The following CUX1 variants were observed in gnomAD, a reference collection of about 807,000 sequenced individuals.
CUX1 encodes the protein cut like homeobox 1, also known as protein CASP.
In CUX1, 31 loss-of-function variants were observed where a neutral mutation model predicts 158.8. The observed-to-expected ratio is 0.20, with a 90% CI of 0.15 to 0.26. The LOEUF (loss-of-function observed/expected upper bound fraction) is 0.26, where lower values mean the gene tolerates loss of function less well. CUX1 is among the 10% of genes least tolerant of loss of function. CUX1 has a pLI of 1.00. For synonymous variants in CUX1, 879 were observed against 862.1 expected (o/e 1.02, Z -0.34); for missense variants, 1,589 against 2,014.6 (o/e 0.79, Z 4.04).
At chr7:101,858,810 C>T (rs1797150527) in intron 1 of CUX1, among the ~76,000 whole-genome samples, 1 of 152,030 alleles carries the variant, frequency 6.6e-6, no homozygotes, top group African/African-American at 2.4e-5. Context: ...GGATTACACA[C>T]ACTCGCTACC....
chr7:101,915,040 G>A (rs1382131078), intron 1 of CUX1, among the ~76,000 whole-genome samples: 4 of 152,104 alleles, frequency 2.6e-5, no homozygotes, highest in East Asian at 3.9e-4. Flanking sequence ...TTTTCTCGCC[G>A]TTCAGCTCTG....
intron 2 of CUX1, among the ~76,000 whole-genome samples, chr7:102,013,340 T>G (rs1818246858): frequency 6.6e-6 from 1 of 152,202 alleles, no homozygotes; most frequent in Non-Finnish European, 1.5e-5. Flanking sequence ...TGCTCGACAT[T>G]TATGGACTTC....
intron 8 of CUX1, among the ~76,000 whole-genome samples, chr7:102,151,500 G>A (rs923997111): frequency 1.6e-4 from 25 of 152,060 alleles, no homozygotes; most frequent in Admixed American, 1.6e-3. Context: ...GTTGCAGTGA[G>A]CTGAGATCAT....
At chr7:102,031,549 T>C (rs1007432134) in intron 3 of CUX1, among the ~76,000 whole-genome samples, 2 of 152,110 alleles carry the variant, frequency 1.3e-5, no homozygotes, top group African/African-American at 4.8e-5. Context: ...TGAAAGCTAA[T>C]CATAAATAAA....
chr7:102,271,292 C>T (rs74427196), intron 14 of CUX1, among the ~76,000 whole-genome samples: 2 of 152,316 alleles, frequency 1.3e-5, no homozygotes, highest in East Asian at 3.9e-4. Flanking sequence ...GGTCCCAGCA[C>T]GGTTCTTGGA....
rs577120977 is a variant in CUX1 at position 102,036,226 on chromosome 7, G to A, written c.189+8081G>A. ...CTGCCTCTGCCTCCCAAAGTGCTGG[G>A]ATTACAGTCATGAGCCACCGAGCCC... On this transcript the variant is annotated intron_variant, in intron 3 of 23. Transcript: ENST00000292535. Among the ~76,000 whole-genome samples, 5 of 152,070 alleles carry A rather than the reference G, an allele frequency of 3.3e-5. No individual in the cohort carries two copies. In the South Asian group the frequency reaches 1.0e-3, roughly 32 times the overall value.
At position 102,081,905 on chromosome 7, in the gene CUX1, C is replaced by T. The variant is rs188089980; in HGVS notation, c.268+11488C>T. Among the ~76,000 whole-genome samples the T allele has an allele frequency of 1.9e-4, 28 of 147,052 alleles. 1 individual carries two copies. The East Asian group carries it at 5.2e-3, about 28-fold the overall frequency. ...CCTCCCAAAGTGTTGGGATTAGAGG[C>T]ATGAGCCACCATGCCTGGCCCAGGT... On this transcript the variant is annotated intron_variant, in intron 4 of 23. Transcript: ENST00000292535.
chr7:101,883,971 A>G (rs984133710), intron 1 of CUX1, among the ~76,000 whole-genome samples: 2 of 152,044 alleles, frequency 1.3e-5, no homozygotes, highest in African/African-American at 2.4e-5. Flanking sequence ...ATAGCTCACT[A>G]CAACTTCCAA....
chr7:101,992,896 C>T (rs942231596), intron 2 of CUX1, among the ~76,000 whole-genome samples: 3 of 150,830 alleles, frequency 2.0e-5, no homozygotes, highest in African/African-American at 4.9e-5. Context: ...GGGAATAATA[C>T]GTCTGTGACA....
chr7:101,855,711 C>T (rs542118839), intron 1 of CUX1, among the ~76,000 whole-genome samples: 2 of 151,912 alleles, frequency 1.3e-5, no homozygotes, highest in East Asian at 1.9e-4. Context: ...AACCCCGTCT[C>T]TACTAAAAAT....
At chr7:102,072,204 C>T (rs906113011) in intron 4 of CUX1, among the ~76,000 whole-genome samples, 7 of 152,308 alleles carry the variant, frequency 4.6e-5, no homozygotes, top group South Asian at 2.1e-4. Context: ...GCTGAGCAGC[C>T]GCTCAAGGGC....
intron 20 of CUX1, among the ~76,000 whole-genome samples, chr7:102,214,694 T>C (rs1796874876): frequency 6.6e-6 from 1 of 152,186 alleles, no homozygotes; most frequent in Non-Finnish European, 1.5e-5. Context: ...CCCAGCCCCA[T>C]GCGGACTGGC....
chr7:102,134,540 A>C (rs782723348), intron 8 of CUX1, among the ~76,000 whole-genome samples: 3 of 152,146 alleles, frequency 2.0e-5, no homozygotes, highest in Non-Finnish European at 4.4e-5. Flanking sequence ...CGTCAGACTG[A>C]CAGTGTCTTG....
intron 8 of CUX1, among the ~76,000 whole-genome samples, chr7:102,133,352 A>G (rs185702499): frequency 8.6e-5 from 13 of 150,748 alleles, no homozygotes; most frequent in African/African-American, 1.7e-4. Flanking sequence ...CTATGCCCAC[A>G]CTTACCTGCT....
At chr7:101,967,015 TTTTATTTTA>T (rs1811309501) in intron 2 of CUX1, among the ~76,000 whole-genome samples, 1 of 152,016 alleles carries the variant, frequency 6.6e-6, no homozygotes, top group Non-Finnish European at 1.5e-5. Flanking sequence ...TTTTATTTTA[TTTTATTTTA>T]TTTTGGTGAG....
chr7:102,185,174 G>A (rs1337792601), intron 11 of CUX1, among the ~76,000 whole-genome samples: 2 of 152,230 alleles, frequency 1.3e-5, no homozygotes, highest in African/African-American at 2.4e-5. Context: ...CAGATCCAAT[G>A]TAGCCAGATT....
Position 102,254,306 on chromosome 7 carries a change from C to T in CUX1, c.*5264C>T, listed in dbSNP as rs1263090140. On this transcript the variant is annotated 3_prime_UTR_variant, in exon 24 of 24. Transcript: ENST00000292535. ...TTGTCCCGGACTGCCCCAAAGTTCCCAGCTGGCTTTGGGGAACACTGTAGC... is the reference window on the plus strand; with the variant it reads ...TTGTCCCGGACTGCCCCAAAGTTCCTAGCTGGCTTTGGGGAACACTGTAGC... 1 of 985,378 alleles carries T rather than the reference C, an allele frequency of 1.0e-6. No individual in the cohort carries two copies. The highest frequency in any genetic ancestry group is 1.2e-6 in the Non-Finnish European group (1 of 830,006). The allele number at this position is 985,378 out of a possible 1,614,324, so 61.0% of individuals were successfully genotyped here.
chr7:102,019,493 G>A (rs748537651), intron 2 of CUX1, among the ~76,000 whole-genome samples: 8 of 152,278 alleles, frequency 5.3e-5, no homozygotes, highest in Admixed American at 2.0e-4. Context: ...CCAAAGTGCT[G>A]GGATTACAGG....
intron 2 of CUX1, among the ~76,000 whole-genome samples, chr7:101,934,612 A>G (rs896631703): frequency 2.0e-5 from 3 of 152,126 alleles, no homozygotes; most frequent in African/African-American, 7.2e-5. Context: ...TAGACGAGAA[A>G]CACATTTTAT....
Sources: allele counts gnomAD v4.1 joint callset (sites outside exome capture counted in the v4.1 genomes callset), GRCh38; gene constraint gnomAD v4.1.1; transcripts MANE v1.5; gene names NCBI Gene and HGNC (gene_info 2026-07-23, HGNC 2026-07-21).